The following ZNF711 variants were observed in gnomAD, a reference collection of about 807,000 sequenced individuals.
The protein encoded by ZNF711 is zinc finger protein 711.
A neutral mutation model predicts 43.5 loss-of-function variants in ZNF711; 3 were observed. The ratio of observed to expected loss-of-function variants is 0.07; its 90% CI spans 0.03 to 0.18. The LOEUF (loss-of-function observed/expected upper bound fraction) is 0.18. Ranked by LOEUF, ZNF711 falls within the 10% of genes least tolerant of loss-of-function variation. The pLI is 1.00. For synonymous variants in ZNF711, 209 were observed against 207.7 expected (o/e 1.01, Z -0.06); for missense variants, 412 against 604.0 (o/e 0.68, Z 3.33).
intron 5 of ZNF711, among the ~76,000 whole-genome samples, chrX:85,260,358 A>G (rs954348644): frequency 9.0e-6 from 1 of 111,223 alleles, no homozygotes; most frequent in Non-Finnish European, 1.9e-5. Flanking sequence ...ATATCTTGTT[A>G]ACATCATGAT....
In ZNF711 at chrX:85,272,262, A is replaced by G. The variant is rs1329982513; in HGVS notation, c.*434A>G. 4.0e-5 allele frequency: 5 copies of G among 123,590 alleles called. No individual in the cohort carries two copies. The highest frequency in any genetic ancestry group is 1.6e-4 in the Admixed American group (2 of 12,133). The allele number at this position is 123,590 out of a possible 1,213,427, so 10.2% of individuals were successfully genotyped here. A position where few individuals can be genotyped will look rare whatever the true frequency, so the allele number is the denominator to read the frequency against. On this transcript the variant is annotated 3_prime_UTR_variant, in exon 11 of 11. Coordinates refer to ENST00000674551, the MANE Select transcript of ZNF711 (RefSeq NM_001330574.2). ...GCAGGGAAACAAAATGTGGTCATTC[A>G]TCAGTCACTTAGTCATTGAGCCTTT...
chrX:85,258,597 G>A lies in ZNF711; in HGVS notation c.622+2796G>A, dbSNP rs183796325. 2.4e-3 allele frequency among the ~76,000 whole-genome samples: 266 copies of A among 109,216 alleles called. 1 individual carries two copies. The highest frequency in any genetic ancestry group is 4.6e-3 in the Non-Finnish European group (239 of 52,206). The allele number at this position is 109,216 out of a possible 115,157, so 94.8% of individuals were successfully genotyped here. On this transcript the variant is annotated intron_variant, in intron 5 of 10. Transcript: ENST00000674551. Reference sequence around the variant, plus strand: ...TAATAATAATAATAATAATGATAATGGTCATTCTCACTGGTGTGAGGTGAT... The same window carrying A: ...TAATAATAATAATAATAATGATAATAGTCATTCTCACTGGTGTGAGGTGAT...
At chrX:85,248,893 C>G (rs1929289763) in intron 4 of ZNF711, among the ~76,000 whole-genome samples, 1 of 111,768 alleles carries the variant, frequency 8.9e-6, no homozygotes, top group African/African-American at 3.3e-5. Context: ...TAACGGAAGT[C>G]AGTAAAGCCG....
chrX:85,262,790 G>T (rs967913940), intron 5 of ZNF711, among the ~76,000 whole-genome samples: 5 of 110,150 alleles, frequency 4.5e-5, no homozygotes, highest in Admixed American at 3.9e-4. Flanking sequence ...AAGTAGCTCT[G>T]CAATGTAAAA....
At chrX:85,267,968 T>G (rs1931246702) in intron 8 of ZNF711, among the ~76,000 whole-genome samples, 1 of 111,730 alleles carries the variant, frequency 9.0e-6, no homozygotes, top group Non-Finnish European at 1.9e-5. Context: ...TTATCTAAAC[T>G]TGGTTCTTCC....
At chrX:85,264,005 G>A (rs1257748419) in intron 5 of ZNF711, among the ~76,000 whole-genome samples, 1 of 110,247 alleles carries the variant, frequency 9.1e-6, no homozygotes, top group Admixed American at 9.7e-5. Flanking sequence ...CACCTGAATA[G>A]TGAACATTGT....
chrX:85,257,083 A>G (rs900951213), intron 5 of ZNF711, among the ~76,000 whole-genome samples: 1 of 111,994 alleles, frequency 8.9e-6, no homozygotes, highest in Non-Finnish European at 1.9e-5. Context: ...ATCTTCTATG[A>G]TTTAATTCTG....
At chrX:85,248,142 A>G (rs1211170154) in intron 4 of ZNF711, among the ~76,000 whole-genome samples, 1 of 105,801 alleles carries the variant, frequency 9.5e-6, no homozygotes, top group African/African-American at 3.5e-5. Context: ...TGTTACCATT[A>G]GAATACATTT....
intron 3 of ZNF711, 140 bp from the exon 4 acceptor site, chrX:85,247,407 G>T (rs773574773): frequency 6.7e-4 from 271 of 404,866 alleles, no homozygotes; most frequent in Middle Eastern, 1.7e-3. Flanking sequence ...TCTAACCATG[G>T]TTTTTCTTTG....
chrX:85,262,185 CAGAG>C (rs1355318793), intron 5 of ZNF711, among the ~76,000 whole-genome samples: 1 of 110,427 alleles, frequency 9.1e-6, no homozygotes, highest in African/African-American at 3.3e-5. Context: ...GAAATGGAAT[CAGAG>C]AGAATAGTAT....
At chrX:85,245,874 A>G (rs1350078523) in intron 1 of ZNF711, 29 bp from the exon 2 acceptor site, 1 of 112,049 alleles carries the variant, frequency 8.9e-6, no homozygotes, top group Non-Finnish European at 1.9e-5. Flanking sequence ...ATTTTAAAGT[A>G]TCTGATTTTG....
chrX:85,248,544 A>G (rs1326500227), intron 4 of ZNF711, among the ~76,000 whole-genome samples: 1 of 108,789 alleles, frequency 9.2e-6, no homozygotes, highest in African/African-American at 3.3e-5. Context: ...TCTTGACAGT[A>G]GTCATTTTGA....
intron 5 of ZNF711, among the ~76,000 whole-genome samples, chrX:85,257,902 C>T (rs1908887963): frequency 8.9e-6 from 1 of 112,975 alleles, no homozygotes. Context: ...GGCATGGATG[C>T]AGTGAAAAGG....
intron 2 of ZNF711, 21 bp from the exon 3 acceptor site, chrX:85,246,909 T>C (rs1929093065): frequency 3.4e-6 from 1 of 297,417 alleles, no homozygotes; most frequent in East Asian, 4.7e-5. Context: ...ATGTGATCGA[T>C]CTTATTTTTA....
rs147796156 is a variant in ZNF711 at position 85,252,839 on chromosome X, G to A, written c.80-2420G>A. ...GTTGAAAGTAAAGTATCCCAAAAAC[G>A]CTGTTGAAAGCTCAGCTTTCCCTTT... On this transcript the variant is annotated intron_variant, in intron 4 of 10. Coordinates refer to ENST00000674551, the MANE Select transcript of ZNF711 (RefSeq NM_001330574.2). Among the ~76,000 whole-genome samples, 409 of 111,583 alleles carry A rather than the reference G, an allele frequency of 3.7e-3. 2 individuals carry two copies. The highest frequency in any genetic ancestry group is 0.012 in the African/African-American group (376 of 30,704).
intron 4 of ZNF711, among the ~76,000 whole-genome samples, chrX:85,253,242 T>G (rs1171921460): frequency 9.0e-6 from 1 of 111,719 alleles, no homozygotes; most frequent in Non-Finnish European, 1.9e-5. Flanking sequence ...CAAATATTAG[T>G]CTAAGATGAG....
chrX:85,251,138 A>G (rs1021829440), intron 4 of ZNF711, among the ~76,000 whole-genome samples: 1 of 111,737 alleles, frequency 8.9e-6, no homozygotes, highest in Non-Finnish European at 1.9e-5. Context: ...GACATTTGTG[A>G]AACTTAGAGT....
rs752747342 is a variant in ZNF711 at position 85,271,444 on chromosome X, C to G, written c.2040C>G (p.Leu680=). The part of the protein sequence containing the change: ...CDKGFHRPSE[L]KKHSDIHKGR... The stretch of plus-strand genomic sequence containing the variant: ...AAGGTTTTCATCGTCCTTCTGAGCT[C>G]AAAAAGCATAGTGATATCCATAAGG... The change falls in exon 11 of 11, where the codon CTC becomes CTG. Residue 680 remains leucine, a synonymous_variant. Transcript: ENST00000674551. 8.3e-7 allele frequency: 1 copy of G among 1,211,007 alleles called. No homozygotes were observed. The highest frequency in any genetic ancestry group is 1.7e-5 in the African/African-American group (1 of 57,679).
At chrX:85,258,984 G>A (rs1047309564) in intron 5 of ZNF711, among the ~76,000 whole-genome samples, 2 of 110,812 alleles carry the variant, frequency 1.8e-5, no homozygotes, top group Non-Finnish European at 3.8e-5. Context: ...TCTTTCCCGA[G>A]GCCAATGTCC....
Sources: gnomAD v4.1 joint callset for allele counts (sites outside exome capture counted in the v4.1 genomes callset) on GRCh38, gnomAD v4.1.1 for gene constraint, MANE v1.5 for transcripts, NCBI Gene and HGNC (gene_info 2026-07-23, HGNC 2026-07-21) for gene names.